Variants in PDGFB observed in about 807,000 individuals in gnomAD.
PDGFB encodes the protein platelet derived growth factor subunit B, also known as platelet-derived growth factor subunit B.
PDGFB carries 6 observed loss-of-function variants against 29.0 expected under a neutral mutation model. That is an observed-to-expected ratio of 0.21 (90% CI 0.11 to 0.41). The LOEUF (loss-of-function observed/expected upper bound fraction) is 0.41. Among genes scored for constraint, PDGFB ranks in the 10% least tolerant of loss-of-function variants. The pLI is 1.00. For missense variants in PDGFB, 299 were observed against 341.8 expected (o/e 0.87, Z 0.99); for synonymous variants, 144 against 140.8 (o/e 1.02, Z -0.16).
chr22:39,240,459 C>CTGGGA (rs759722721), intron 1 of PDGFB, among the ~76,000 whole-genome samples: 1 of 152,076 alleles, frequency 6.6e-6, no homozygotes, highest in Non-Finnish European at 1.5e-5. Context: ...TCCTGGTAGC[C>CTGGGA]CAAGTCCCAA....
chr22:39,230,430 A>T (rs1932271873), intron 4 of PDGFB, among the ~76,000 whole-genome samples: 1 of 152,200 alleles, frequency 6.6e-6, no homozygotes, highest in South Asian at 2.1e-4. Flanking sequence ...TTTTCCATCA[A>T]AACAAGCCCT....
At chr22:39,230,018 AC>A in intron 5 of PDGFB, 65 bp downstream of exon 5, 2 of 1,554,786 alleles carry the variant, frequency 1.3e-6, no homozygotes, top group Non-Finnish European at 1.8e-6. Flanking sequence ...CATTTTTAAG[AC>A]CGGCCCCTGC....
Position 39,235,896 on chromosome 22 carries a change from G to C in PDGFB, c.64-22C>G, listed in dbSNP as rs761627600. On this transcript the variant is annotated intron_variant, in intron 1 of 6. Transcript: ENST00000331163. ...CCCCCTGCCGGGCAGACACCAAAAG[G>C]CTGAGTGAGCTGGGAGTGGGGGCTT... The C allele has an allele frequency of 4.6e-6, 7 of 1,535,158 alleles. No homozygotes were observed. The African/African-American group carries it at 8.2e-5, about 18-fold the overall frequency.
At position 39,243,439 on chromosome 22, in the gene PDGFB, A is replaced by C. The variant is rs1320782262; in HGVS notation, c.63+462T>G. Among the ~76,000 whole-genome samples the C allele has an allele frequency of 6.6e-6, 1 of 152,036 alleles. No individual in the cohort carries two copies. On this transcript the variant is annotated intron_variant, in intron 1 of 6. Coordinates refer to ENST00000331163, the MANE Select transcript of PDGFB (RefSeq NM_002608.4). This position sits in a 1 kb window ranked among gnomAD's most constrained non-coding sequence, Gnocchi z 6.4. The stretch of plus-strand genomic sequence containing the variant: ...CCAGGGTGGGACCCGAGCCCCGTCA[A>C]AGGTCGGCGTGGATGGCACCGGTGC...
Position 39,231,606 on chromosome 22 carries a change from C to A in PDGFB, c.456+16G>T. 4 of 1,529,226 alleles carry A rather than the reference C, an allele frequency of 2.6e-6. No individual in the cohort carries two copies. Among genetic ancestry groups the A allele is most frequent in the South Asian group, 1.2e-5 (1 of 82,526 alleles). 94.7% of individuals were successfully genotyped at this position (1,529,226 alleles called of 1,614,324 possible). On this transcript the variant is annotated intron_variant, in intron 4 of 6. Transcript: ENST00000331163. This position sits in a 1 kb window ranked among gnomAD's most constrained non-coding sequence, Gnocchi z 4.3. ...ACCACCGGGACCAGCCTCGGGGGGC[C>A]GCGGAGCCTACGCACCTGGACAGGT...
rs1555924155 is a variant in PDGFB at position 39,243,276 on chromosome 22, C to CTCTT, written c.63+624_63+625insAAGA. On this transcript the variant is annotated intron_variant, in intron 1 of 6. Coordinates refer to ENST00000331163, the MANE Select transcript of PDGFB (RefSeq NM_002608.4). This position sits in a 1 kb window ranked among gnomAD's most constrained non-coding sequence, Gnocchi z 6.4. ...CGTCTCTCTCTCTCTCTCTCTCTTT[C>CTCTT]TCTCTCTCTCTCTCTCTCTCCCTGT... Among the ~76,000 whole-genome samples, 14 of 137,548 alleles carry CTCTT rather than the reference C, an allele frequency of 1.0e-4. No homozygotes were observed. The highest frequency in any genetic ancestry group is 4.0e-4 in the African/African-American group (14 of 34,978). 90.2% of individuals were successfully genotyped at this position (137,548 alleles called of 152,430 possible). A position where few individuals can be genotyped will look rare whatever the true frequency, so the allele number is the denominator to read the frequency against.
Position 39,235,819 on chromosome 22 carries a change from G to C in PDGFB, c.119C>G (p.Ser40Cys). The change falls in exon 2 of 7, where the codon TCC becomes TGC. Residue 40 changes from serine to cysteine, a missense_variant. Ser to Cys is a moderately radical substitution (Grantham distance 112). Coordinates refer to ENST00000331163, the MANE Select transcript of PDGFB (RefSeq NM_002608.4). Reference sequence around the variant, plus strand: ...CAGCAGGCGTTGGAGATCATCAAAGGAGCGGATCGAGTGGTCACTCAGCAT... The same window carrying C: ...CAGCAGGCGTTGGAGATCATCAAAGCAGCGGATCGAGTGGTCACTCAGCAT... The part of the protein sequence containing the change: ...YEMLSDHSIR[S>C]FDDLQRLLHG... 6.2e-7 allele frequency: 1 copy of C among 1,614,020 alleles called. No homozygotes were observed. Among genetic ancestry groups the C allele is most frequent in the Non-Finnish European group, 8.5e-7 (1 of 1,179,960 alleles).
At position 39,229,018 on chromosome 22, in the gene PDGFB, C is replaced by T. The variant is rs181121369; in HGVS notation, c.601+1066G>A. ...TGATCAGCCTTTCCATGGCATCCAG[C>T]GACTCAGCTCAGCTCTGGGAATAAG... On this transcript the variant is annotated intron_variant, in intron 5 of 6. Transcript: ENST00000331163. 9.2e-5 allele frequency among the ~76,000 whole-genome samples: 14 copies of T among 151,954 alleles called. No individual in the cohort carries two copies. The East Asian group carries it at 2.5e-3, about 27-fold the overall frequency.
intron 2 of PDGFB, among the ~76,000 whole-genome samples, chr22:39,234,202 C>G (rs1329565771): frequency 1.3e-5 from 2 of 152,216 alleles, no homozygotes; most frequent in African/African-American, 4.8e-5. Context: ...CTTCTCTAAA[C>G]TGTTGCCCCA....
chr22:39,235,832 G>A lies in PDGFB; in HGVS notation c.106C>T (p.His36Tyr), dbSNP rs1601600204. 2.5e-6 allele frequency: 4 copies of A among 1,613,996 alleles called. No individual in the cohort carries two copies. The highest frequency in any genetic ancestry group is 1.3e-5 in the African/African-American group (1 of 75,052). Residue 36 changes from histidine (H) to tyrosine (Y), a missense_variant, in exon 2 of 7, where the codon CAC (histidine) becomes TAC (tyrosine). Coordinates refer to ENST00000331163, the MANE Select transcript of PDGFB (RefSeq NM_002608.4). ...AGATCATCAAAGGAGCGGATCGAGT[G>A]GTCACTCAGCATCTCATAAAGCTCC... ...PEELYEMLSD[H>Y]SIRSFDDLQR...
Position 39,235,763 on chromosome 22 carries a change from G to T in PDGFB, c.160+15C>A, listed in dbSNP as rs17303681. 0.053 allele frequency: 83,502 copies of T among 1,590,342 alleles called. 2,673 individuals are homozygous for T. Among genetic ancestry groups the T allele is most frequent in the Non-Finnish European group, 0.064 (73,946 of 1,158,688 alleles). On this transcript the variant is annotated intron_variant, in intron 2 of 6. Coordinates refer to ENST00000331163, the MANE Select transcript of PDGFB (RefSeq NM_002608.4). ...TCCTCGGAGGGCCGGAGCGCGGGGC[G>T]AGGATTCCATTTACCTCCGGGGTCT...
At position 39,225,682 on chromosome 22, in the gene PDGFB, G is replaced by A. The variant is rs1472181809; in HGVS notation, c.*28+13C>T. ...CAGGATTCTGGGCCTCAGTTGCCCCGCCTGGCCCTCACCTGCCCACACACT... is the reference window on the plus strand; with the variant it reads ...CAGGATTCTGGGCCTCAGTTGCCCCACCTGGCCCTCACCTGCCCACACACT... On this transcript the variant is annotated intron_variant, in intron 6 of 6. Coordinates refer to ENST00000331163, the MANE Select transcript of PDGFB (RefSeq NM_002608.4). The A allele has an allele frequency of 3.1e-6, 5 of 1,595,360 alleles. No homozygotes were observed. The highest frequency in any genetic ancestry group is 3.4e-5 in the Admixed American group (2 of 59,152).
rs1000640769 is a variant in PDGFB, at chr22:39,243,208, G to C, written c.63+693C>G. ...CTACCCGAGTGCCCGAAACCTACCT[G>C]CGTCTCTATCTTTCTCTCCCTCTCT... On this transcript the variant is annotated intron_variant, in intron 1 of 6. Transcript: ENST00000331163. The surrounding 1 kb of genome is among the most constrained non-coding windows in gnomAD (Gnocchi z 6.4). Among the ~76,000 whole-genome samples, 2 of 151,938 alleles carry C rather than the reference G, an allele frequency of 1.3e-5. No homozygotes were observed. Among genetic ancestry groups the C allele is most frequent in the Non-Finnish European group, 2.9e-5 (2 of 67,954 alleles).
chr22:39,228,234 G>A (rs1349382975), intron 5 of PDGFB, among the ~76,000 whole-genome samples: 5 of 152,192 alleles, frequency 3.3e-5, no homozygotes, highest in Admixed American at 1.3e-4. Context: ...GGTATAATGC[G>A]CCTCCCAAGA....
intron 5 of PDGFB, 83 bp downstream of exon 5, chr22:39,230,001 C>G: frequency 6.7e-7 from 1 of 1,487,282 alleles, no homozygotes; most frequent in African/African-American, 1.4e-5. Flanking sequence ...GGGCCTGATC[C>G]CATTTCCATT....
At chr22:39,240,921 GCACACA>G (rs66513025) in intron 1 of PDGFB, 12 of 1,232,338 alleles carry the variant, frequency 9.7e-6, no homozygotes, top group Admixed American at 3.5e-5. Context: ...TCTCAGATGC[GCACACA>G]CACACACACA....
chr22:39,240,538 G>C (rs1321804232), intron 1 of PDGFB, among the ~76,000 whole-genome samples: 1 of 152,048 alleles, frequency 6.6e-6, no homozygotes, highest in Non-Finnish European at 1.5e-5. Flanking sequence ...CCTACCAGAG[G>C]GCTGAAAAGG....
rs9611111 is a variant in PDGFB, at chr22:39,223,911, C to G, written c.*1431G>C. 6.6e-6 allele frequency: 1 copy of G among 152,320 alleles called. No homozygotes were observed. The highest frequency in any genetic ancestry group is 1.9e-4 in the East Asian group (1 of 5,176). 9.4% of individuals were successfully genotyped at this position (152,320 alleles called of 1,614,324 possible). ...GTCTTGGGGATCTTTTCCCTTCTCT[C>G]CCCCATTCCCAGCCCACGAGCTGGT... On this transcript the variant is annotated 3_prime_UTR_variant, in exon 7 of 7. Transcript: ENST00000331163.
intron 5 of PDGFB, among the ~76,000 whole-genome samples, chr22:39,228,653 C>T (rs945588087): frequency 6.6e-6 from 1 of 152,116 alleles, no homozygotes; most frequent in African/African-American, 2.4e-5. Context: ...CTTTGGGAGG[C>T]CGAGGCAGGT....
Sources: gnomAD v4.1 joint callset for allele counts (sites outside exome capture counted in the v4.1 genomes callset) on GRCh38, gnomAD v4.1.1 for gene constraint, Gnocchi (gnomAD v3.1) non-coding constraint, MANE v1.5 for transcripts, NCBI Gene and HGNC (gene_info 2026-07-23, HGNC 2026-07-21) for gene names.